Variants in ATG10 observed in about 807,000 individuals in gnomAD.
ATG10 encodes autophagy related 10, also known as ubiquitin-like-conjugating enzyme ATG10.
In ATG10, 30 loss-of-function variants were observed where a neutral mutation model predicts 32.1. That is an observed-to-expected ratio of 0.94 (90% CI 0.70 to 1.27). The LOEUF (loss-of-function observed/expected upper bound fraction) is 1.27, where lower values mean the gene tolerates loss of function less well. Ranked by LOEUF, ATG10 falls within the 50% of genes most tolerant of loss-of-function variation. ATG10 has a pLI of 0.00. For missense variants in ATG10, 233 were observed against 262.3 expected (o/e 0.89, Z 0.77); for synonymous variants, 87 against 91.5 (o/e 0.95, Z 0.28).
At chr5:82,252,443 T>G in intron 5 of ATG10, 119 bp from the exon 6 acceptor site, 1 of 681,248 alleles carries the variant, frequency 1.5e-6, no homozygotes, top group Admixed American at 3.0e-5. Context: ...AACCTGTATA[T>G]TAATTCAATA....
At chr5:81,987,378 G>A (rs1270254361) in intron 1 of ATG10, among the ~76,000 whole-genome samples, 181 bp from the exon 2 acceptor site, 3 of 152,150 alleles carry the variant, frequency 2.0e-5, no homozygotes, top group African/African-American at 2.4e-5. Flanking sequence ...TCCTGCTTTG[G>A]CCTCCCAAAT....
chr5:82,076,391 GTAT>G (rs1764273949), intron 3 of ATG10, among the ~76,000 whole-genome samples: 1 of 152,118 alleles, frequency 6.6e-6, no homozygotes, highest in Admixed American at 6.6e-5. Context: ...CTTTTCAACA[GTAT>G]TATTATTTTT....
At chr5:82,033,919 CTAT>C (rs1472286707) in intron 2 of ATG10, among the ~76,000 whole-genome samples, 1 of 147,546 alleles carries the variant, frequency 6.8e-6, no homozygotes, top group African/African-American at 2.5e-5. Flanking sequence ...TGTATATATA[CTAT>C]ATGTGTATAT....
intron 5 of ATG10, among the ~76,000 whole-genome samples, chr5:82,227,106 A>T (rs981152426): frequency 6.6e-6 from 1 of 152,108 alleles, no homozygotes; most frequent in African/African-American, 2.4e-5. Context: ...TTTTAAAGGA[A>T]TTAATTTTCA....
intron 5 of ATG10, among the ~76,000 whole-genome samples, chr5:82,240,602 T>C (rs1030024406): frequency 6.6e-6 from 1 of 152,150 alleles, no homozygotes; most frequent in Non-Finnish European, 1.5e-5. Flanking sequence ...GTTAGAACAA[T>C]AGGGTGACTT....
intron 5 of ATG10, among the ~76,000 whole-genome samples, chr5:82,207,934 G>T (rs1745361630): frequency 6.6e-6 from 1 of 152,034 alleles, no homozygotes; most frequent in Non-Finnish European, 1.5e-5. Context: ...TTGTTTTCTA[G>T]ATATTTTTTA....
At chr5:82,035,661 CT>C (rs1367652163) in intron 2 of ATG10, among the ~76,000 whole-genome samples, 3 of 150,656 alleles carry the variant, frequency 2.0e-5, no homozygotes, top group Non-Finnish European at 4.4e-5. Flanking sequence ...ATTGGTATTT[CT>C]TTTAGGCATT....
chr5:82,169,195 G>C (rs1287456911), intron 4 of ATG10, among the ~76,000 whole-genome samples: 1 of 151,914 alleles, frequency 6.6e-6, no homozygotes, highest in East Asian at 1.9e-4. Flanking sequence ...GGAAGGGGTT[G>C]GAAGATATAA....
At chr5:82,062,820 A>G (rs75948617) in intron 3 of ATG10, among the ~76,000 whole-genome samples, 25,018 of 152,122 alleles carry the variant, frequency 0.16, 2,411 homozygotes, top group South Asian at 0.3. Context: ...TCACTAAAAA[A>G]CAGTGGTAGA....
At chr5:81,973,218 C>T (rs966488473) in intron 1 of ATG10, 1 of 152,298 alleles carries the variant, frequency 6.6e-6, no homozygotes, top group African/African-American at 2.4e-5. Flanking sequence ...CAACCTCTGC[C>T]TCTCGGGTTA....
At chr5:81,976,377 CAT>C (rs1299330663) in intron 1 of ATG10, 3 of 151,880 alleles carry the variant, frequency 2.0e-5, no homozygotes, top group Non-Finnish European at 4.4e-5. Flanking sequence ...AAGAAGGAAA[CAT>C]ATTTATTGCC....
intron 5 of ATG10, among the ~76,000 whole-genome samples, chr5:82,203,625 C>A (rs966333458): frequency 2.6e-5 from 4 of 152,092 alleles, no homozygotes; most frequent in Non-Finnish European, 5.9e-5. Flanking sequence ...AAAAATTCCA[C>A]TCTAGTTTTT....
intron 1 of ATG10, among the ~76,000 whole-genome samples, chr5:81,983,103 G>A (rs1168231228): frequency 6.6e-6 from 1 of 152,036 alleles, no homozygotes; most frequent in Non-Finnish European, 1.5e-5. Context: ...CCAGGCAGAG[G>A]GGCTCCTCAC....
chr5:82,098,666 C>A (rs752208714), intron 3 of ATG10, among the ~76,000 whole-genome samples: 12 of 152,164 alleles, frequency 7.9e-5, no homozygotes, highest in Non-Finnish European at 1.5e-4. Context: ...GACTTCCATA[C>A]TTGATTTGAC....
intron 3 of ATG10, among the ~76,000 whole-genome samples, chr5:82,141,695 A>G (rs1370221888): frequency 2.6e-5 from 4 of 152,172 alleles, no homozygotes; most frequent in Non-Finnish European, 5.9e-5. Context: ...ATTTATACGT[A>G]GGATTTAGGA....
rs1762423767 is a variant in ATG10 at position 82,021,272 on chromosome 5, C to G, written c.108+33594C>G. Among the ~76,000 whole-genome samples the G allele has an allele frequency of 5.3e-5, 8 of 152,256 alleles. 1 individual carries two copies. The highest frequency in any genetic ancestry group is 5.2e-4 in the Admixed American group (8 of 15,292). On this transcript the variant is annotated intron_variant, in intron 2 of 7. Coordinates refer to ENST00000282185, the MANE Select transcript of ATG10 (RefSeq NM_031482.5). ...TTGCAAGTGGTTGCATCTGGATAGG[C>G]TGACCAGGGTATGTGGAGGGGTGAA...
chr5:82,251,284 C>T (rs1747244040), intron 5 of ATG10, among the ~76,000 whole-genome samples: 1 of 152,164 alleles, frequency 6.6e-6, no homozygotes, highest in Admixed American at 6.5e-5. Context: ...CATAATTCAT[C>T]CCATCAACAG....
Position 82,171,969 on chromosome 5 carries a change from A to G in ATG10, c.356-6521A>G, listed in dbSNP as rs1743824441. Among the ~76,000 whole-genome samples, 4 of 152,216 alleles carry G rather than the reference A, an allele frequency of 2.6e-5. No homozygotes were observed. The South Asian group carries it at 8.3e-4, about 32-fold the overall frequency. ...ACAAGATAGGTCTGAAATTCACTAT[A>G]ACAAGTAGAATATGTTAAGGACCAT... On this transcript the variant is annotated intron_variant, in intron 4 of 7. Coordinates refer to ENST00000282185, the MANE Select transcript of ATG10 (RefSeq NM_031482.5).
intron 5 of ATG10, among the ~76,000 whole-genome samples, chr5:82,191,930 G>A (rs1187338560): frequency 6.6e-6 from 1 of 152,134 alleles, no homozygotes; most frequent in Non-Finnish European, 1.5e-5. Flanking sequence ...TGCCCTTCCT[G>A]TACAGCAGAC....
Sources: gnomAD v4.1 joint callset for allele counts (sites outside exome capture counted in the v4.1 genomes callset) on GRCh38, gnomAD v4.1.1 for gene constraint, MANE v1.5 for transcripts, NCBI Gene and HGNC (gene_info 2026-07-23, HGNC 2026-07-21) for gene names.